ZNF521: variants seen among roughly 807,000 people sequenced by gnomAD.
The protein encoded by ZNF521 is LYST-interacting protein 3.
ZNF521 carries 14 observed loss-of-function variants against 105.5 expected under a neutral mutation model. The ratio of observed to expected loss-of-function variants is 0.13; its 90% CI spans 0.09 to 0.21. ZNF521 has a LOEUF of 0.21. ZNF521 is among the 10% of genes least tolerant of loss of function. The probability of loss-of-function intolerance (pLI) is 1.00; values close to 1 mark genes in which losing one functional copy is unlikely to be tolerated. For missense variants in ZNF521, 1,233 were observed against 1,629.7 expected (o/e 0.76, Z 4.19); for synonymous variants, 635 against 606.0 (o/e 1.05, Z -0.70).
Position 25,210,048 on chromosome 18 carries a change from A to AATTGAAAAAATTATATAAAT in ZNF521, c.3573+14277_3573+14296dup, listed in dbSNP as rs1258928325. Among the ~76,000 whole-genome samples, 14 of 152,288 alleles carry AATTGAAAAAATTATATAAAT rather than the reference A, an allele frequency of 9.2e-5. No individual in the cohort carries two copies. In the East Asian group the frequency reaches 2.7e-3, roughly 29 times the overall value. ...GAAATAATTCTACATTATAATAACA[A>AATTGAAAAAATTATATAAAT]ATTGAAAAAATTATATAAATATATG... On this transcript the variant is annotated intron_variant, in intron 4 of 7. Coordinates refer to ENST00000361524, the MANE Select transcript of ZNF521 (RefSeq NM_015461.3).
chr18:25,206,514 C>T (rs7228099), intron 4 of ZNF521, among the ~76,000 whole-genome samples: 71,582 of 151,518 alleles, frequency 0.47, 17,264 homozygotes, highest in African/African-American at 0.58. Flanking sequence ...AAAGAAATAC[C>T]TCGTGTTCTG....
chr18:25,197,308 G>A (rs911385646), intron 4 of ZNF521, among the ~76,000 whole-genome samples: 7 of 151,678 alleles, frequency 4.6e-5, no homozygotes, highest in East Asian at 1.9e-4. Flanking sequence ...ACAATGAACC[G>A]TGATTTTAAA....
In ZNF521 at chr18:25,225,275, G is replaced by A. The variant is rs1411393598; in HGVS notation, c.2643C>T (p.Thr881=). 6.2e-7 allele frequency: 1 copy of A among 1,614,080 alleles called. No homozygotes were observed. The highest frequency in any genetic ancestry group is 8.5e-7 in the Non-Finnish European group (1 of 1,180,018). ...SHDGSEEDVD[T]SEPMYGCDIC... ...TGTCGCAGCCGTACATAGGCTCAGAGGTGTCAACGTCTTCTTCGCTCCCAT... is the reference window on the plus strand; with the variant it reads ...TGTCGCAGCCGTACATAGGCTCAGAAGTGTCAACGTCTTCTTCGCTCCCAT... The change falls in exon 4 of 8, where the codon ACC becomes ACT. Residue 881 remains threonine (T), a synonymous_variant. Transcript: ENST00000361524. The surrounding 1 kb of genome is among the most constrained non-coding windows in gnomAD (Gnocchi z 5.6).
chr18:25,312,151 T>C (rs1235098276), intron 3 of ZNF521, among the ~76,000 whole-genome samples: 8 of 152,180 alleles, frequency 5.3e-5, no homozygotes, highest in Admixed American at 5.2e-4. Context: ...ATGTTTCTTA[T>C]ATTACCCTTT....
intron 5 of ZNF521, among the ~76,000 whole-genome samples, chr18:25,155,995 A>G (rs972310241): frequency 1.3e-5 from 2 of 152,198 alleles, no homozygotes; most frequent in African/African-American, 4.8e-5. Flanking sequence ...ACATAAAGCA[A>G]ATATGTAGGA....
intron 2 of ZNF521, among the ~76,000 whole-genome samples, chr18:25,342,686 C>G (rs1914275161): frequency 6.6e-6 from 1 of 152,126 alleles, no homozygotes; most frequent in African/African-American, 2.4e-5. Context: ...CCTCGGCCTC[C>G]CAAAGTGCTG....
chr18:25,265,769 G>T (rs1909209073), intron 3 of ZNF521, among the ~76,000 whole-genome samples: 1 of 152,172 alleles, frequency 6.6e-6, no homozygotes, highest in Non-Finnish European at 1.5e-5. Context: ...CAATAGCTAA[G>T]ACTTGGAAGC....
At chr18:25,129,822 A>C in intron 5 of ZNF521, among the ~76,000 whole-genome samples, 1 of 152,190 alleles carries the variant, frequency 6.6e-6, no homozygotes, top group Non-Finnish European at 1.5e-5. Context: ...CTGATTTCCG[A>C]AACACTGACA....
At chr18:25,242,794 T>C (rs747092668) in intron 3 of ZNF521, among the ~76,000 whole-genome samples, 11 of 152,086 alleles carry the variant, frequency 7.2e-5, no homozygotes, top group East Asian at 1.9e-4. Flanking sequence ...AACTGAAAAA[T>C]TGGTGCAAAG....
intron 3 of ZNF521, among the ~76,000 whole-genome samples, chr18:25,290,554 T>C (rs989382000): frequency 3.3e-5 from 5 of 152,030 alleles, no homozygotes; most frequent in Admixed American, 1.3e-4. Context: ...AGAGAGCAAT[T>C]TCTACTTCTA....
At chr18:25,099,468 A>G (rs780956182) in intron 5 of ZNF521, among the ~76,000 whole-genome samples, 21 of 152,172 alleles carry the variant, frequency 1.4e-4, no homozygotes, top group Non-Finnish European at 2.8e-4. Flanking sequence ...TATCCCTGGC[A>G]AGAAACTGAT....
chr18:25,277,477 C>T (rs1056224473), intron 3 of ZNF521, among the ~76,000 whole-genome samples: 4 of 152,022 alleles, frequency 2.6e-5, no homozygotes, highest in Admixed American at 1.3e-4. Flanking sequence ...AGATCAGTAG[C>T]GGAGTGACAT....
In ZNF521 at chr18:25,160,795, T is replaced by G. The variant is rs139373693; in HGVS notation, c.3658+34365A>C. ...GAATGAGAGATGACATTTGGGGAGG[T>G]TGACAATTTTTAGGGGGATGTGTGT... On this transcript the variant is annotated intron_variant, in intron 5 of 7. Coordinates refer to ENST00000361524, the MANE Select transcript of ZNF521 (RefSeq NM_015461.3). 2.6e-3 allele frequency among the ~76,000 whole-genome samples: 397 copies of G among 151,932 alleles called. 1 individual carries two copies. Among genetic ancestry groups the G allele is most frequent in the Admixed American group, 5.6e-3 (85 of 15,254 alleles).
chr18:25,302,566 G>A (rs975507043), intron 3 of ZNF521: 2 of 152,164 alleles, frequency 1.3e-5, no homozygotes, highest in African/African-American at 4.8e-5. Flanking sequence ...CTATGTCATG[G>A]TTGGGCAAAC....
At chr18:25,177,487 T>A (rs958629712) in intron 5 of ZNF521, among the ~76,000 whole-genome samples, 6 of 150,918 alleles carry the variant, frequency 4.0e-5, no homozygotes, top group African/African-American at 1.5e-4. Context: ...ATAAAGCATG[T>A]CCAAGAAAAG....
intron 4 of ZNF521, chr18:25,201,227 T>C (rs1462806949): frequency 1.3e-5 from 2 of 152,134 alleles, no homozygotes; most frequent in African/African-American, 4.8e-5. Context: ...AATTCAGTTT[T>C]ATGTCACAAA....
Position 25,062,475 on chromosome 18 carries a change from A to G in ZNF521, c.*237T>C. 2.0e-6 allele frequency: 1 copy of G among 499,920 alleles called. No homozygotes were observed. Among genetic ancestry groups the G allele is most frequent in the South Asian group, 3.6e-5 (1 of 27,812 alleles). 31.0% of individuals were successfully genotyped at this position (499,920 alleles called of 1,614,324 possible). On this transcript the variant is annotated 3_prime_UTR_variant, in exon 8 of 8. Transcript: ENST00000361524. ...AGGGCCCAAGTCCACTTGTCTTTAT[A>G]AGACCATTTTAGTATCAGACGACAT...
chr18:25,161,822 C>T (rs1351823335), intron 5 of ZNF521, among the ~76,000 whole-genome samples: 3 of 152,142 alleles, frequency 2.0e-5, no homozygotes, highest in Non-Finnish European at 4.4e-5. Context: ...TAACAGGGCA[C>T]TGCAATCTTT....
intron 5 of ZNF521, among the ~76,000 whole-genome samples, chr18:25,156,642 C>T (rs2035150374): frequency 6.6e-6 from 1 of 152,070 alleles, no homozygotes; most frequent in Non-Finnish European, 1.5e-5. Flanking sequence ...TTGTAATTTG[C>T]AAAGGCTACT....
Sources: gnomAD v4.1 joint callset for allele counts (sites outside exome capture counted in the v4.1 genomes callset) on GRCh38, gnomAD v4.1.1 for gene constraint, Gnocchi (gnomAD v3.1) non-coding constraint, MANE v1.5 for transcripts, NCBI Gene and HGNC (gene_info 2026-07-23, HGNC 2026-07-21) for gene names.